NRCAM: variants seen among roughly 807,000 people sequenced by gnomAD.
The protein encoded by NRCAM is neuronal cell adhesion molecule, also known as NgCAM-related cell adhesion molecule.
Under a neutral mutation model 156.5 loss-of-function variants are expected in NRCAM, and 83 were observed. That is an observed-to-expected ratio of 0.53 (90% CI 0.44 to 0.64). The LOEUF (loss-of-function observed/expected upper bound fraction) is 0.64. Among genes scored for constraint, NRCAM ranks in the 30% least tolerant of loss-of-function variants. The pLI is 0.00. For synonymous variants in NRCAM, 538 were observed against 563.9 expected, an observed-to-expected ratio of 0.95 and a Z score of 0.65; for missense variants, 1,417 against 1,597.3, an observed-to-expected ratio of 0.89 and a Z score of 1.92.
At chr7:108,434,157 C>G (rs1332454319) in intron 1 of NRCAM, among the ~76,000 whole-genome samples, 1 of 152,276 alleles carries the variant, frequency 6.6e-6, no homozygotes, top group East Asian at 1.9e-4. Context: ...AGTGATTTTG[C>G]CTGCATCTGC....
intron 3 of NRCAM, among the ~76,000 whole-genome samples, chr7:108,278,402 G>A (rs955485133): frequency 6.6e-6 from 1 of 152,198 alleles, no homozygotes; most frequent in African/African-American, 2.4e-5. Context: ...TGCCCAGTTT[G>A]AGCTTCCCTG....
chr7:108,368,093 G>A lies in NRCAM; in HGVS notation c.-174+31343C>T, dbSNP rs542966418. Among the ~76,000 whole-genome samples the A allele has an allele frequency of 1.2e-4, 19 of 152,130 alleles. No homozygotes were observed. In the East Asian group the frequency reaches 3.5e-3, roughly 28 times the overall value. On this transcript the variant is annotated intron_variant, in intron 2 of 32. Transcript: ENST00000379028. Reference sequence around the variant, plus strand: ...GAGGTTGACTCTCTTCCAGTTAGAGGGGGCTAATAGGATTGTTATTTTTAT... The same window carrying A: ...GAGGTTGACTCTCTTCCAGTTAGAGAGGGCTAATAGGATTGTTATTTTTAT...
intron 2 of NRCAM, among the ~76,000 whole-genome samples, chr7:108,320,311 T>C (rs1243183767): frequency 6.6e-6 from 1 of 151,926 alleles, no homozygotes; most frequent in Non-Finnish European, 1.5e-5. Flanking sequence ...TAAAAATAAA[T>C]TATCTGGGCA....
At chr7:108,163,401 C>A (rs2050645860) in intron 30 of NRCAM, among the ~76,000 whole-genome samples, 1 of 152,234 alleles carries the variant, frequency 6.6e-6, no homozygotes, top group Non-Finnish European at 1.5e-5. Context: ...AGAATCAACA[C>A]AGAAGAGAGA....
chr7:108,198,355 A>T (rs2076216506), intron 13 of NRCAM, among the ~76,000 whole-genome samples: 1 of 151,918 alleles, frequency 6.6e-6, no homozygotes, highest in Admixed American at 6.6e-5. Context: ...TTTTATTTTT[A>T]TTTTTTTAAA....
intron 2 of NRCAM, among the ~76,000 whole-genome samples, chr7:108,340,082 T>C (rs1255482983): frequency 2.0e-5 from 3 of 152,296 alleles, no homozygotes; most frequent in African/African-American, 4.8e-5. Context: ...CTCGCAATTA[T>C]GTAAAAAGTG....
rs2095526007 is a variant in NRCAM, at chr7:108,241,490, C to T, written c.-106-1320G>A. Among the ~76,000 whole-genome samples the T allele has an allele frequency of 2.0e-5, 3 of 152,122 alleles. No individual in the cohort carries two copies. In the South Asian group the frequency reaches 6.2e-4, roughly 32 times the overall value. On this transcript the variant is annotated intron_variant, in intron 3 of 32. Transcript: ENST00000379028. ...TTATTATTATAAACTGCTGTACCTC[C>T]CACAAGTTGAAGTACTGAATTATTT...
intron 24 of NRCAM, among the ~76,000 whole-genome samples, chr7:108,181,485 G>C (rs149933418): frequency 6.6e-6 from 1 of 152,178 alleles, no homozygotes; most frequent in Non-Finnish European, 1.5e-5. Flanking sequence ...TTCAACACAT[G>C]TGGTCCATAT....
At chr7:108,364,124 C>T (rs543528058) in intron 2 of NRCAM, among the ~76,000 whole-genome samples, 1 of 152,280 alleles carries the variant, frequency 6.6e-6, no homozygotes, top group African/African-American at 2.4e-5. Flanking sequence ...CGGGAAGTCT[C>T]TGTACTATCT....
At chr7:108,167,657 C>A (rs2055514442) in intron 29 of NRCAM, among the ~76,000 whole-genome samples, 1 of 152,170 alleles carries the variant, frequency 6.6e-6, no homozygotes, top group African/African-American at 2.4e-5. Flanking sequence ...TTGGCCACCT[C>A]ATTTGTTCTA....
chr7:108,307,574 T>C (rs2098735458), intron 3 of NRCAM, among the ~76,000 whole-genome samples: 1 of 152,170 alleles, frequency 6.6e-6, no homozygotes, highest in Non-Finnish European at 1.5e-5. Flanking sequence ...GCTGTAGAAA[T>C]GCCTTCTGCA....
chr7:108,362,656 TG>T (rs2099565959), intron 2 of NRCAM, among the ~76,000 whole-genome samples: 1 of 152,162 alleles, frequency 6.6e-6, no homozygotes, highest in Non-Finnish European at 1.5e-5. Context: ...ACTGCTGGAA[TG>T]GGAGTTTACA....
intron 2 of NRCAM, among the ~76,000 whole-genome samples, chr7:108,383,121 C>T (rs1046313473): frequency 1.1e-4 from 14 of 129,620 alleles, no homozygotes; most frequent in African/African-American, 3.4e-4. Flanking sequence ...AGTCACACCA[C>T]ACACACACAC....
chr7:108,156,353 G>A (rs1017713784), intron 32 of NRCAM: 9 of 984,174 alleles, frequency 9.1e-6, no homozygotes, highest in Non-Finnish European at 1.1e-5. Flanking sequence ...CTGGTTTTAA[G>A]GAAAATGGAT....
At chr7:108,353,904 A>T (rs2099454094) in intron 2 of NRCAM, among the ~76,000 whole-genome samples, 1 of 152,248 alleles carries the variant, frequency 6.6e-6, no homozygotes, top group Non-Finnish European at 1.5e-5. Context: ...CATTGGGTTC[A>T]TACACTAGTA....
intron 3 of NRCAM, among the ~76,000 whole-genome samples, chr7:108,277,461 T>C (rs1396952809): frequency 6.6e-6 from 1 of 152,128 alleles, no homozygotes; most frequent in Non-Finnish European, 1.5e-5. Flanking sequence ...TCTAATCTTG[T>C]CTTCTCGCTT....
rs190461190 is a variant in NRCAM, at chr7:108,228,974, A to C, written c.550+2057T>G. Reference sequence around the variant, plus strand: ...CAGAACTTAAAGTAAAATAAAAAAAAATTAAATTAAAAAATTAAAATGCAG... The same window carrying C: ...CAGAACTTAAAGTAAAATAAAAAAACATTAAATTAAAAAATTAAAATGCAG... On this transcript the variant is annotated intron_variant, in intron 8 of 32. Coordinates refer to ENST00000379028, the MANE Select transcript of NRCAM (RefSeq NM_001037132.4). Among the ~76,000 whole-genome samples, 5 of 152,338 alleles carry C rather than the reference A, an allele frequency of 3.3e-5. No individual in the cohort carries two copies. In the East Asian group the frequency reaches 9.6e-4, roughly 29 times the overall value.
chr7:108,301,773 A>G (rs993744723), intron 3 of NRCAM, among the ~76,000 whole-genome samples: 3 of 152,182 alleles, frequency 2.0e-5, no homozygotes, highest in Admixed American at 1.3e-4. Flanking sequence ...TGAAAAATTT[A>G]TGAATATGAA....
intron 1 of NRCAM, among the ~76,000 whole-genome samples, chr7:108,416,216 T>C (rs1801387717): frequency 6.6e-6 from 1 of 152,186 alleles, no homozygotes; most frequent in East Asian, 1.9e-4. Context: ...GCATTTGCTT[T>C]AAATAAAACT....
Sources: gnomAD v4.1 joint callset for allele counts (sites outside exome capture counted in the v4.1 genomes callset) on GRCh38, gnomAD v4.1.1 for gene constraint, MANE v1.5 for transcripts, NCBI Gene and HGNC (gene_info 2026-07-23, HGNC 2026-07-21) for gene names.